RGL1: variants seen among roughly 807,000 people sequenced by gnomAD.
The protein encoded by RGL1 is ral guanine nucleotide dissociation stimulator-like 1.
RGL1 carries 24 observed loss-of-function variants against 95.2 expected under a neutral mutation model. That is an observed-to-expected ratio of 0.25 (90% CI 0.18 to 0.35). RGL1 has a LOEUF of 0.35. Among genes scored for constraint, RGL1 ranks in the 10% least tolerant of loss-of-function variants. The pLI is 1.00. For missense variants in RGL1, 715 were observed against 936.3 expected (o/e 0.76, Z 3.08); for synonymous variants, 329 against 344.9 (o/e 0.95, Z 0.51).
chr1:183,682,202 T>G (rs1653266209), intron 1 of RGL1, among the ~76,000 whole-genome samples: 1 of 152,220 alleles, frequency 6.6e-6, no homozygotes. Context: ...ATTTCTTGTT[T>G]TCTGCTAGCT....
chr1:183,708,519 C>T (rs1051780856), intron 1 of RGL1, among the ~76,000 whole-genome samples: 3 of 152,176 alleles, frequency 2.0e-5, no homozygotes, highest in South Asian at 4.1e-4. Flanking sequence ...AGACTGGGAC[C>T]GTATCTGGAC....
intron 2 of RGL1, among the ~76,000 whole-genome samples, chr1:183,814,897 T>C (rs1661979610): frequency 6.6e-6 from 1 of 152,174 alleles, no homozygotes; most frequent in Non-Finnish European, 1.5e-5. Flanking sequence ...AACATTTAAG[T>C]ATGTAGGTAA....
intron 4 of RGL1, among the ~76,000 whole-genome samples, chr1:183,870,154 A>T (rs1217971815): frequency 6.6e-6 from 1 of 152,194 alleles, no homozygotes; most frequent in Non-Finnish European, 1.5e-5. Context: ...CTGAGACCTA[A>T]AATGACATCA....
chr1:183,746,622 ATT>A (rs71130633), intron 2 of RGL1, among the ~76,000 whole-genome samples: 13,249 of 144,104 alleles, frequency 0.092, 1,248 homozygotes, highest in East Asian at 0.37. Flanking sequence ...GTATACATGT[ATT>A]TTTTTTTTTT....
At chr1:183,776,868 T>C (rs1659635000) in intron 2 of RGL1, among the ~76,000 whole-genome samples, 1 of 152,176 alleles carries the variant, frequency 6.6e-6, no homozygotes, top group Non-Finnish European at 1.5e-5. Context: ...GAGGTCTCCA[T>C]TTTTTGTACT....
intron 1 of RGL1, among the ~76,000 whole-genome samples, chr1:183,661,599 A>G (rs1651633260): frequency 6.6e-6 from 1 of 151,444 alleles, no homozygotes; most frequent in Non-Finnish European, 1.5e-5. Context: ...CCAGGACCAG[A>G]TGGATTCACA....
intron 2 of RGL1, among the ~76,000 whole-genome samples, chr1:183,780,711 T>G (rs77241567): frequency 6.6e-6 from 1 of 152,254 alleles, no homozygotes; most frequent in East Asian, 1.9e-4. Flanking sequence ...GGTGATACTT[T>G]CAGCGCGGTG....
At chr1:183,818,939 T>C (rs1335194994) in intron 2 of RGL1, among the ~76,000 whole-genome samples, 1 of 152,220 alleles carries the variant, frequency 6.6e-6, no homozygotes, top group East Asian at 1.9e-4. Flanking sequence ...ACCTACACAT[T>C]TCATGATTGT....
chr1:183,879,533 G>C (rs1257220079), intron 4 of RGL1, among the ~76,000 whole-genome samples: 1 of 152,208 alleles, frequency 6.6e-6, no homozygotes, highest in Non-Finnish European at 1.5e-5. Context: ...AAAGTGTTTA[G>C]TTAAGATGAG....
intron 1 of RGL1, among the ~76,000 whole-genome samples, chr1:183,667,998 T>C (rs1652159145): frequency 1.6e-5 from 1 of 63,496 alleles, no homozygotes; most frequent in South Asian, 6.4e-4. Flanking sequence ...TACATGCTTA[T>C]ATATATGTGT....
At chr1:183,905,979 A>G (rs1668297367) in intron 13 of RGL1, among the ~76,000 whole-genome samples, 1 of 152,226 alleles carries the variant, frequency 6.6e-6, no homozygotes, top group South Asian at 2.1e-4. Flanking sequence ...AACAGAGACC[A>G]TATGGCCCAC....
chr1:183,916,571 A>T lies in RGL1; in HGVS notation c.1874A>T (p.Lys625Met). ...TGCAACAACAACCCCAAAATCCACA[A>T]GCGCTCTGTCTCGGTGACGTCCATT... is the stretch of plus-strand genomic sequence containing the variant. ...PSCNNNPKIH[K>M]RSVSVTSITS... is the part of the protein sequence containing the mutation. Residue 625 changes from lysine to methionine, a missense_variant, in exon 16 of 18, where the codon AAG (lysine) becomes ATG (methionine). Transcript: ENST00000360851. The T allele has an allele frequency of 4.3e-6, 7 of 1,609,606 alleles. No individual in the cohort carries two copies. Among genetic ancestry groups the T allele is most frequent in the Non-Finnish European group, 5.9e-6 (7 of 1,178,650 alleles).
intron 1 of RGL1, among the ~76,000 whole-genome samples, chr1:183,659,770 T>G (rs565090603): frequency 0.028 from 4,253 of 151,064 alleles, 77 homozygotes; most frequent in Middle Eastern, 0.056. Context: ...TTCACCAAAG[T>G]TGAAATGAAG....
At chr1:183,885,067 T>C in intron 7 of RGL1, 129 bp downstream of exon 7, 2 of 746,212 alleles carry the variant, frequency 2.7e-6, no homozygotes, top group Non-Finnish European at 4.2e-6. Flanking sequence ...GCCCACTGGG[T>C]TTTTGTTGTT....
chr1:183,690,908 G>C (rs190182010), intron 1 of RGL1, among the ~76,000 whole-genome samples: 1 of 152,250 alleles, frequency 6.6e-6, no homozygotes, highest in East Asian at 1.9e-4. Flanking sequence ...GTCATGTTAA[G>C]ATCACTTCTT....
At chr1:183,870,558 C>G (rs139231822) in intron 4 of RGL1, among the ~76,000 whole-genome samples, 1 of 152,070 alleles carries the variant, frequency 6.6e-6, no homozygotes, top group Admixed American at 6.5e-5. Context: ...GTGCTGCTGG[C>G]GCAAGTGGCC....
chr1:183,777,250 A>G (rs1659652131), intron 2 of RGL1, among the ~76,000 whole-genome samples: 1 of 152,236 alleles, frequency 6.6e-6, no homozygotes. Flanking sequence ...TAATTTTCGT[A>G]TACTGCTGAC....
exon 1 of RGL1, chr1:183,636,154 C>T: frequency 2.5e-6 from 1 of 399,622 alleles, no homozygotes. Context: ...TTGGCTTTTG[C>T]TGCAGCCGTC....
At chr1:183,855,678 ACTTATG>A (rs1665092783) in intron 3 of RGL1, among the ~76,000 whole-genome samples, 1 of 152,190 alleles carries the variant, frequency 6.6e-6, no homozygotes, top group Non-Finnish European at 1.5e-5. Flanking sequence ...TCTTCATGTG[ACTTATG>A]GTCCCAGTGT....
Sources: allele counts gnomAD v4.1 joint callset (sites outside exome capture counted in the v4.1 genomes callset), GRCh38; gene constraint gnomAD v4.1.1; transcripts MANE v1.5; gene names NCBI Gene and HGNC (gene_info 2026-07-23, HGNC 2026-07-21).